The following PLCL2 variants were observed in gnomAD, a reference collection of about 807,000 sequenced individuals.
The protein encoded by PLCL2 is phospholipase C like 2.
In PLCL2, 4 loss-of-function variants were observed where a neutral mutation model predicts 79.6. The observed-to-expected ratio is 0.05, with a 90% CI of 0.02 to 0.11. PLCL2 has a LOEUF of 0.11. Among genes scored for constraint, PLCL2 ranks in the 10% least tolerant of loss-of-function variants. The pLI, the probability that PLCL2 is intolerant of heterozygous loss-of-function variation, is 1.00. For synonymous variants in PLCL2, 484 were observed against 457.7 expected (o/e 1.06, Z -0.73); for missense variants, 895 against 1,291.0 (o/e 0.69, Z 4.70).
chr3:16,992,153 A>AGAT (rs1279720450), intron 1 of PLCL2, among the ~76,000 whole-genome samples: 1 of 152,110 alleles, frequency 6.6e-6, no homozygotes, highest in Non-Finnish European at 1.5e-5. Context: ...TTAAAATGAG[A>AGAT]GATACAATAC....
At chr3:16,981,973 G>A (rs2064003508) in intron 1 of PLCL2, among the ~76,000 whole-genome samples, 2 of 152,070 alleles carry the variant, frequency 1.3e-5, no homozygotes, top group Admixed American at 1.3e-4. Context: ...ATATTATGCT[G>A]TGACCATAGG....
chr3:16,912,621 G>A (rs1401966400), intron 1 of PLCL2, among the ~76,000 whole-genome samples: 1 of 152,174 alleles, frequency 6.6e-6, no homozygotes, highest in African/African-American at 2.4e-5. Context: ...GAGCAACATT[G>A]CTCAAAAAGC....
intron 1 of PLCL2, among the ~76,000 whole-genome samples, chr3:16,895,798 A>G (rs540064835): frequency 5.4e-4 from 83 of 152,362 alleles, no homozygotes; most frequent in African/African-American, 1.9e-3. Context: ...TGACTGCCCT[A>G]TGCACTGCTT....
rs145738163 is a variant in PLCL2, at chr3:16,979,078, G to A, written c.328-30596G>A. Reference sequence around the variant, plus strand: ...CTTATTGACTTTTGGATGGTAAGCCGCTAGACCATTCTAAGCCCAAGTAGG... The same window carrying A: ...CTTATTGACTTTTGGATGGTAAGCCACTAGACCATTCTAAGCCCAAGTAGG... On this transcript the variant is annotated intron_variant, in intron 1 of 5. Transcript: ENST00000615277. 2.0e-4 allele frequency among the ~76,000 whole-genome samples: 30 copies of A among 152,220 alleles called. No homozygotes were observed. In the East Asian group the frequency reaches 5.4e-3, roughly 27 times the overall value.
At chr3:17,068,143 C>T in intron 5 of PLCL2, 78 bp downstream of exon 5, 2 of 784,656 alleles carry the variant, frequency 2.5e-6, no homozygotes, top group South Asian at 3.1e-5. Flanking sequence ...TATAACATTT[C>T]CTGCATTGTA....
At chr3:17,054,020 T>C (rs541140970) in intron 4 of PLCL2, among the ~76,000 whole-genome samples, 34 of 152,332 alleles carry the variant, frequency 2.2e-4, no homozygotes, top group Middle Eastern at 6.8e-3. Flanking sequence ...TTTTTCCAAC[T>C]TTTATGCTCT....
chr3:16,903,651 G>A (rs931924976), intron 1 of PLCL2, among the ~76,000 whole-genome samples: 1 of 152,222 alleles, frequency 6.6e-6, no homozygotes, highest in Admixed American at 6.5e-5. Flanking sequence ...GTGCTCAGAT[G>A]TATGACAGGA....
Position 17,009,629 on chromosome 3 carries a change from C to A in PLCL2, c.328-45C>A. ...CTATTCATAATCTTGAACATAGAAA[C>A]CTATATTTATGTTATTCTAATATAC... On this transcript the variant is annotated intron_variant, in intron 1 of 5. Transcript: ENST00000615277. This position sits in a 1 kb window ranked among gnomAD's most constrained non-coding sequence, Gnocchi z 4.0. 2.0e-6 allele frequency: 2 copies of A among 984,652 alleles called. No individual in the cohort carries two copies. The highest frequency in any genetic ancestry group is 3.0e-6 in the Non-Finnish European group (2 of 673,094). The allele number at this position is 984,652 out of a possible 1,614,324, so 61.0% of individuals were successfully genotyped here.
intron 1 of PLCL2, among the ~76,000 whole-genome samples, chr3:16,919,083 AGTTTT>A (rs1445977487): frequency 2.0e-5 from 3 of 152,188 alleles, no homozygotes; most frequent in Non-Finnish European, 4.4e-5. Context: ...TAAAATTTTT[AGTTTT>A]ATTTGTTTGA....
chr3:16,945,720 T>C (rs1393436562), intron 1 of PLCL2, among the ~76,000 whole-genome samples: 1 of 152,218 alleles, frequency 6.6e-6, no homozygotes, highest in African/African-American at 2.4e-5. Context: ...CTAATGAATA[T>C]GTTAACATCA....
chr3:16,915,554 T>C (rs1696973843), intron 1 of PLCL2, among the ~76,000 whole-genome samples: 1 of 152,180 alleles, frequency 6.6e-6, no homozygotes. Flanking sequence ...TTTTGTAGTA[T>C]AGGTAGGTTT....
At chr3:17,047,293 A>G (rs2064790415) in intron 4 of PLCL2, among the ~76,000 whole-genome samples, 1 of 152,208 alleles carries the variant, frequency 6.6e-6, no homozygotes. Context: ...CAGAGGCGCA[A>G]AGAGCCCGCA....
chr3:17,030,202 C>G (rs1176380016), intron 3 of PLCL2, among the ~76,000 whole-genome samples: 1 of 152,136 alleles, frequency 6.6e-6, no homozygotes. Flanking sequence ...GCTGGGATTA[C>G]AGGTGTGAGC....
At chr3:16,909,609 G>A (rs977804508) in intron 1 of PLCL2, among the ~76,000 whole-genome samples, 9 of 152,122 alleles carry the variant, frequency 5.9e-5, no homozygotes, top group African/African-American at 2.2e-4. Flanking sequence ...TGTGTCCTGG[G>A]ATTGAAATTT....
chr3:16,946,020 C>G (rs192064786), intron 1 of PLCL2, among the ~76,000 whole-genome samples: 1 of 152,264 alleles, frequency 6.6e-6, no homozygotes, highest in Admixed American at 6.5e-5. Context: ...CTAAAAAGAA[C>G]AAGAACAGTG....
intron 1 of PLCL2, among the ~76,000 whole-genome samples, chr3:16,980,988 C>T (rs568703602): frequency 2.8e-4 from 43 of 152,362 alleles, no homozygotes; most frequent in African/African-American, 9.9e-4. Flanking sequence ...ATACGAAAAC[C>T]AGTCAAGCGT....
chr3:17,029,059 T>C (rs1316972293), intron 3 of PLCL2, among the ~76,000 whole-genome samples: 1 of 152,134 alleles, frequency 6.6e-6, no homozygotes, highest in Non-Finnish European at 1.5e-5. Flanking sequence ...GAGTGGCTGC[T>C]CTTCCAGTCT....
intron 5 of PLCL2, among the ~76,000 whole-genome samples, chr3:17,084,399 T>A (rs1246606020): frequency 1.3e-5 from 2 of 152,120 alleles, no homozygotes. Context: ...TTCCAGAAAA[T>A]AGAAGCAGAG....
rs6788010 is a variant in PLCL2, at chr3:16,887,610, T to C, written c.327+2244T>C. On this transcript the variant is annotated intron_variant, in intron 1 of 5. Coordinates refer to ENST00000615277, the MANE Select transcript of PLCL2 (RefSeq NM_001144382.2). This position sits in a 1 kb window ranked among gnomAD's most constrained non-coding sequence, Gnocchi z 4.1. ...TAGGTAACTACTTGGTATATTTCCC[T>C]TTGAATTGGTGCCTTGAAGCATCAA... 0.11 allele frequency among the ~76,000 whole-genome samples: 16,751 copies of C among 152,212 alleles called. 1,113 individuals are homozygous for C. The highest frequency in any genetic ancestry group is 0.18 in the Admixed American group (2,806 of 15,298).
Sources: allele counts gnomAD v4.1 joint callset (sites outside exome capture counted in the v4.1 genomes callset), GRCh38; gene constraint gnomAD v4.1.1; non-coding constraint Gnocchi (gnomAD v3.1); transcripts MANE v1.5; gene names NCBI Gene and HGNC (gene_info 2026-07-23, HGNC 2026-07-21).